DHRS7C: variants seen among roughly 807,000 people sequenced by gnomAD.
DHRS7C encodes the protein dehydrogenase/reductase SDR family member 7C.
DHRS7C carries 28 observed loss-of-function variants against 29.6 expected under a neutral mutation model. That is an observed-to-expected ratio of 0.95 (90% confidence interval 0.70 to 1.30). The LOEUF is 1.30. Ranked by LOEUF, DHRS7C falls within the 50% of genes most tolerant of loss-of-function variation. DHRS7C has a pLI of 0.00. For missense variants in DHRS7C, 403 were observed against 393.3 expected, an observed-to-expected ratio of 1.02 and a Z score of -0.21; for synonymous variants, 158 against 160.2, an observed-to-expected ratio of 0.99 and a Z score of 0.10.
rs181558671 is a variant in DHRS7C at position 9,777,207 on chromosome 17, G to A, written c.557C>T (p.Pro186Leu). The A allele has an allele frequency of 8.4e-5, 136 of 1,613,258 alleles. 1 individual carries two copies. The Admixed American group carries it at 2.1e-3, about 24-fold the overall frequency. Residue 186 changes from proline (P) to leucine (L), a missense_variant, in exon 4 of 6, where the codon CCG becomes CTG. Pro to Leu is a moderately conservative substitution (Grantham distance 98, BLOSUM62 -3). Coordinates refer to ENST00000571134, the MANE Select transcript of DHRS7C (RefSeq NM_001105571.3). The stretch of plus-strand genomic sequence containing the variant: ...TAGCAACTTACAAGTCGTACGGAAC[G>A]GGATTCCAAACTTCCCTTGGATATT... ...VNNIQGKFGIPFRTTYAASKH... is the reference protein window; with the variant it reads ...VNNIQGKFGILFRTTYAASKH...
intron 1 of DHRS7C, among the ~76,000 whole-genome samples, chr17:9,784,185 C>T (rs979204403): frequency 1.3e-5 from 2 of 151,696 alleles, no homozygotes; most frequent in African/African-American, 4.8e-5. Context: ...TAAAAAAAAC[C>T]TTCTTGGCTG....
chr17:9,772,856 T>TC lies in DHRS7C; in HGVS notation c.637dup (p.Asp213GlyfsTer?), dbSNP rs1177720393. On this transcript the variant is annotated frameshift_variant, in exon 5 of 6. Transcript: ENST00000571134. LOFTEE classifies it high-confidence loss of function. ...CGGGCTCACGGTGCTGATGACAACA[T>TC]CGTATTCCTCCACTTCGGCTCGGAG... 2 of 1,613,730 alleles carry TC rather than the reference T, an allele frequency of 1.2e-6. No homozygotes were observed. The highest frequency in any genetic ancestry group is 1.7e-6 in the Non-Finnish European group (2 of 1,179,886).
intron 2 of DHRS7C, among the ~76,000 whole-genome samples, chr17:9,780,639 G>T (rs2066388285): frequency 6.6e-6 from 1 of 152,198 alleles, no homozygotes; most frequent in South Asian, 2.1e-4. Context: ...TGCAATCCCA[G>T]TGTTTGACAA....
In DHRS7C at chr17:9,779,555, G is replaced by A. The variant is rs3859228; in HGVS notation, c.478+270C>T. Among the ~76,000 whole-genome samples, 1,049 of 152,304 alleles carry A rather than the reference G, an allele frequency of 6.9e-3. 16 individuals are homozygous for A. The highest frequency in any genetic ancestry group is 0.024 in the African/African-American group (980 of 41,564). Reference sequence around the variant, plus strand: ...AATTGGAGGGAAGCCATGGATGTAAGGAGAGAGAAGTAAAAGGGCAAAGCT... The same window carrying A: ...AATTGGAGGGAAGCCATGGATGTAAAGAGAGAGAAGTAAAAGGGCAAAGCT... On this transcript the variant is annotated intron_variant, in intron 3 of 5. Coordinates refer to ENST00000571134, the MANE Select transcript of DHRS7C (RefSeq NM_001105571.3).
At chr17:9,786,151 C>T (rs907215801) in intron 1 of DHRS7C, among the ~76,000 whole-genome samples, 2 of 151,702 alleles carry the variant, frequency 1.3e-5, no homozygotes, top group African/African-American at 2.4e-5. Context: ...GGTGAAACCC[C>T]GTTTCTACTA....
intron 1 of DHRS7C, among the ~76,000 whole-genome samples, chr17:9,785,441 A>C (rs1049618931): frequency 6.6e-6 from 1 of 152,200 alleles, no homozygotes; most frequent in Non-Finnish European, 1.5e-5. Context: ...GGACCTCTTC[A>C]TTGGGGGTGG....
rs371236401 is a variant in DHRS7C at position 9,773,502 on chromosome 17, T to A, written c.572-580A>T. Reference sequence around the variant, plus strand: ...ATCATTCCAGGAGTTCCAAAAAGAATAGAGTGGACATTGCTTAGAGCTTTG... The same window carrying A: ...ATCATTCCAGGAGTTCCAAAAAGAAAAGAGTGGACATTGCTTAGAGCTTTG... On this transcript the variant is annotated intron_variant, in intron 4 of 5. Coordinates refer to ENST00000571134, the MANE Select transcript of DHRS7C (RefSeq NM_001105571.3). 2.6e-5 allele frequency among the ~76,000 whole-genome samples: 4 copies of A among 152,140 alleles called. No homozygotes were observed. In the South Asian group the frequency reaches 6.2e-4, roughly 24 times the overall value.
rs2066454682 is a variant in DHRS7C, at chr17:9,791,378, G to A, written c.-94C>T. The A allele has an allele frequency of 7.0e-7, 1 of 1,430,404 alleles. No homozygotes were observed. The highest frequency in any genetic ancestry group is 9.5e-7 in the Non-Finnish European group (1 of 1,052,298). The allele number at this position is 1,430,404 out of a possible 1,614,324, so 88.6% of individuals were successfully genotyped here. ...GGCAGGGGGAGGCCCAAGGCTGCAG[G>A]GAGCTCAGCTCTGTGCAAGCCTCCA... On this transcript the variant is annotated 5_prime_UTR_variant, in exon 1 of 6. Coordinates refer to ENST00000571134, the MANE Select transcript of DHRS7C (RefSeq NM_001105571.3).
At chr17:9,777,154 T>A in intron 4 of DHRS7C, 39 bp downstream of exon 4, 1 of 1,560,834 alleles carries the variant, frequency 6.4e-7, no homozygotes, top group Non-Finnish European at 8.8e-7. Context: ...CCATAAGACA[T>A]ACAACAGAAG....
chr17:9,781,266 G>A (rs906324765), intron 2 of DHRS7C, among the ~76,000 whole-genome samples: 8 of 152,168 alleles, frequency 5.3e-5, no homozygotes, highest in Admixed American at 5.2e-4. Context: ...AGGAGCTGTG[G>A]CTACAGAACA....
At position 9,780,012 on chromosome 17, in the gene DHRS7C, C is replaced by G. The variant is rs1343275503; in HGVS notation, c.291G>C (p.Leu97=). The change falls in exon 3 of 6, where the codon CTG becomes CTC. Residue 97 remains leucine (L), a synonymous_variant. Coordinates refer to ENST00000571134, the MANE Select transcript of DHRS7C (RefSeq NM_001105571.3). ...CACAGCTGATGTCTGAGAGGTCCAA[C>G]AGGACCAGCTTTGGGGTGAATGTCT... ...PSKTFTPKLV[L]LDLSDISCVP... 1 of 1,613,828 alleles carries G rather than the reference C, an allele frequency of 6.2e-7. No individual in the cohort carries two copies. The highest frequency in any genetic ancestry group is 8.5e-7 in the Non-Finnish European group (1 of 1,179,862).
chr17:9,771,941 C>T (rs2066331768), intron 5 of DHRS7C, among the ~76,000 whole-genome samples: 1 of 152,136 alleles, frequency 6.6e-6, no homozygotes, highest in Non-Finnish European at 1.5e-5. Flanking sequence ...TTTCGGAGGG[C>T]GGTTACGTGT....
chr17:9,773,659 A>T (rs1467196979), intron 4 of DHRS7C, among the ~76,000 whole-genome samples: 1 of 147,738 alleles, frequency 6.8e-6, no homozygotes. Flanking sequence ...TTCAACCAGA[A>T]CCCTTTCCTG....
intron 1 of DHRS7C, among the ~76,000 whole-genome samples, chr17:9,789,750 A>G (rs371725698): frequency 2.0e-5 from 3 of 152,264 alleles, no homozygotes; most frequent in Admixed American, 6.5e-5. Context: ...ATTTTTCGCA[A>G]AGCCTTCTGT....
intron 4 of DHRS7C, among the ~76,000 whole-genome samples, chr17:9,776,429 T>G (rs1341617950): frequency 1.3e-5 from 2 of 152,224 alleles, no homozygotes; most frequent in Non-Finnish European, 2.9e-5. Flanking sequence ...ACTTGGTATT[T>G]TGTTACGGCA....
intron 5 of DHRS7C, 91 bp from the exon 6 acceptor site, chr17:9,771,787 G>A (rs2066330503): frequency 1.6e-6 from 2 of 1,233,908 alleles, no homozygotes; most frequent in Non-Finnish European, 2.1e-6. Flanking sequence ...TGAGGGGCGG[G>A]AAGCGTGGGC....
At position 9,772,936 on chromosome 17, in the gene DHRS7C, C is replaced by A. The variant is rs936711327; in HGVS notation, c.572-14G>T. 1.1e-5 allele frequency: 18 copies of A among 1,612,736 alleles called. No individual in the cohort carries two copies. The highest frequency in any genetic ancestry group is 1.5e-5 in the Non-Finnish European group (18 of 1,179,746). ...TGGAGGCAGCGTCTGCGAGACAAACCATCCGGAGGTGGGCGCAGGACACTC... is the reference window on the plus strand; with the variant it reads ...TGGAGGCAGCGTCTGCGAGACAAACAATCCGGAGGTGGGCGCAGGACACTC... On this transcript the variant is annotated splice_polypyrimidine_tract_variant and intron_variant, in intron 4 of 5. Coordinates refer to ENST00000571134, the MANE Select transcript of DHRS7C (RefSeq NM_001105571.3).
At chr17:9,787,746 C>T (rs930162324) in intron 1 of DHRS7C, among the ~76,000 whole-genome samples, 8 of 151,992 alleles carry the variant, frequency 5.3e-5, no homozygotes, top group Non-Finnish European at 1.2e-4. Flanking sequence ...CTCACTCTGT[C>T]GCCCAGACTG....
rs867073576 is a variant in DHRS7C at position 9,771,574 on chromosome 17, A to G, written c.850T>C (p.Tyr284His). ...AACTCCGGGAAGAAGGTGCGGACGTACACGGCGGCCTTGGGGATGGGGTTG... is the reference window on the plus strand; with the variant it reads ...AACTCCGGGAAGAAGGTGCGGACGTGCACGGCGGCCTTGGGGATGGGGTTG... ...MANPIPKAAV[Y>H]VRTFFPEFFF... is the part of the protein sequence containing the mutation. Residue 284 changes from tyrosine (Y) to histidine (H), a missense_variant, in exon 6 of 6, where the codon TAC (tyrosine) becomes CAC (histidine). Transcript: ENST00000571134. 3.1e-6 allele frequency: 5 copies of G among 1,595,072 alleles called. No individual in the cohort carries two copies. In the East Asian group the frequency reaches 6.9e-5, roughly 22 times the overall value.
Sources: allele counts gnomAD v4.1 joint callset (sites outside exome capture counted in the v4.1 genomes callset), GRCh38; gene constraint gnomAD v4.1.1; transcripts MANE v1.5; gene names NCBI Gene and HGNC (gene_info 2026-07-23, HGNC 2026-07-21).